Variants in KCTD1 observed in about 807,000 individuals in gnomAD.
KCTD1 encodes potassium channel tetramerization domain containing 1, also known as BTB/POZ domain-containing protein KCTD1.
A neutral mutation model predicts 66.0 loss-of-function variants in KCTD1; 24 were observed. The ratio of observed to expected loss-of-function variants is 0.36; its 90% CI spans 0.26 to 0.51. The LOEUF is 0.51. Among genes scored for constraint, KCTD1 ranks in the 20% least tolerant of loss-of-function variants. KCTD1 has a pLI of 0.95. For missense variants in KCTD1, 943 were observed against 1,205.2 expected, an observed-to-expected ratio of 0.78 and a Z score of 3.22; for synonymous variants, 511 against 517.2, an observed-to-expected ratio of 0.99 and a Z score of 0.16.
At chr18:26,500,273 A>T (rs1982689892) in intron 2 of KCTD1, among the ~76,000 whole-genome samples, 1 of 151,524 alleles carries the variant, frequency 6.6e-6, no homozygotes, top group Admixed American at 6.6e-5. Context: ...AAAAAAAAAA[A>T]GCTGGGCATG....
chr18:26,599,849 A>G (rs2144967252), intron 1 of KCTD1: 2 of 1,557,458 alleles, frequency 1.3e-6, no homozygotes, highest in East Asian at 2.2e-5. Flanking sequence ...CACCTTGGTC[A>G]TGAAAGTGAC....
At chr18:26,597,376 A>G (rs1489943786) in intron 1 of KCTD1, among the ~76,000 whole-genome samples, 1 of 152,152 alleles carries the variant, frequency 6.6e-6, no homozygotes, top group Non-Finnish European at 1.5e-5. Flanking sequence ...GAGGGGCAGC[A>G]GTGGTAATAT....
intron 1 of KCTD1, among the ~76,000 whole-genome samples, chr18:26,653,764 T>A (rs1420241630): frequency 6.6e-6 from 1 of 152,244 alleles, no homozygotes; most frequent in Non-Finnish European, 1.5e-5. Flanking sequence ...ATTATTTACA[T>A]CTAGCATGTT....
chr18:26,619,209 T>C (rs955655360), intron 1 of KCTD1, among the ~76,000 whole-genome samples: 1 of 152,234 alleles, frequency 6.6e-6, no homozygotes, highest in African/African-American at 2.4e-5. Context: ...ATACAGGAGC[T>C]ATAGTAGATG....
rs141143901 is a variant in KCTD1, at chr18:26,488,572, C to T, written c.1989-11913G>A. 6.0e-3 allele frequency among the ~76,000 whole-genome samples: 907 copies of T among 152,180 alleles called. 9 individuals are homozygous for T. The highest frequency in any genetic ancestry group is 0.021 in the African/African-American group (860 of 41,504). On this transcript the variant is annotated intron_variant, in intron 2 of 4. Transcript: ENST00000580059. ...GGGAGTTCAGGAACACACTCAGCTCCGATCACAGAAACAAGTTTGGGCGAG... is the reference window on the plus strand; with the variant it reads ...GGGAGTTCAGGAACACACTCAGCTCTGATCACAGAAACAAGTTTGGGCGAG...
Position 26,455,798 on chromosome 18 carries a change from C to T in KCTD1, c.2543G>A (p.Arg848Lys). ...FSEYVLRREL[R>K]RTPRVPSVIR... ...GACGGAGGGTACACGGGGCGTCCGC[C>T]TCAGTTCCCGCCGAAGGACGTATTC... The change falls in exon 5 of 5, where the codon AGG (arginine) becomes AAG (lysine). Residue 848 changes from arginine to lysine, a missense_variant. Arg to Lys is a conservative substitution (Grantham distance 26). This residue lies in a region of KCTD1 where 162 missense variants were observed against 232.4 expected (regional missense o/e 0.70). Transcript: ENST00000580059. The T allele has an allele frequency of 3.7e-6, 6 of 1,614,192 alleles. No individual in the cohort carries two copies. Among genetic ancestry groups the T allele is most frequent in the Non-Finnish European group, 5.1e-6 (6 of 1,180,040 alleles).
chr18:26,484,538 C>A (rs991606476), intron 2 of KCTD1, among the ~76,000 whole-genome samples: 2 of 152,166 alleles, frequency 1.3e-5, no homozygotes, highest in South Asian at 4.2e-4. Flanking sequence ...TATTAATCCT[C>A]CCCTGACTTC....
chr18:26,584,112 C>G (rs1251124781), intron 1 of KCTD1, among the ~76,000 whole-genome samples: 1 of 152,072 alleles, frequency 6.6e-6, no homozygotes, highest in African/African-American at 2.4e-5. Context: ...TATGAAAGAC[C>G]AGGGTTCTGA....
At chr18:26,550,643 C>T (rs1303660203), upstream of KCTD1, among the ~76,000 whole-genome samples, 1 of 151,950 alleles carries the variant, frequency 6.6e-6, no homozygotes. This position sits in a 1 kb window ranked among gnomAD's most constrained non-coding sequence, Gnocchi z 5.4. Context: ...GGAGAACCGT[C>T]CGGGAATCGT....
chr18:26,533,276 C>G (rs1007318864), intron 1 of KCTD1, among the ~76,000 whole-genome samples: 6 of 152,178 alleles, frequency 3.9e-5, no homozygotes, highest in African/African-American at 1.4e-4. Flanking sequence ...GACTTTATTT[C>G]TAAACAAGCT....
intron 1 of KCTD1, among the ~76,000 whole-genome samples, chr18:26,584,291 C>A (rs1986423358): frequency 6.6e-6 from 1 of 152,074 alleles, no homozygotes; most frequent in Admixed American, 6.5e-5. Context: ...AAAATACAGA[C>A]TGGATTTTGA....
intron 2 of KCTD1, among the ~76,000 whole-genome samples, chr18:26,497,073 T>G (rs1431406201): frequency 6.6e-6 from 1 of 152,180 alleles, no homozygotes; most frequent in Non-Finnish European, 1.5e-5. Context: ...GGGGACAAAG[T>G]TCTAAGGGTG....
At chr18:26,524,611 C>T (rs1598916985) in intron 1 of KCTD1, among the ~76,000 whole-genome samples, 2 of 152,082 alleles carry the variant, frequency 1.3e-5, no homozygotes, top group Admixed American at 6.5e-5. Context: ...AGCTGCCATA[C>T]ACCCAAACAT....
intron 1 of KCTD1, among the ~76,000 whole-genome samples, chr18:26,610,690 G>C (rs191692807): frequency 1.4e-3 from 211 of 148,844 alleles, no homozygotes; most frequent in African/African-American, 4.6e-3. Context: ...AGAAAAGAGA[G>C]AAAGAGAAAG....
At chr18:26,621,515 G>C (rs1987383499) in intron 1 of KCTD1, among the ~76,000 whole-genome samples, 1 of 152,014 alleles carries the variant, frequency 6.6e-6, no homozygotes, top group Non-Finnish European at 1.5e-5. Flanking sequence ...GAGACAAGCA[G>C]GGGCGACACT....
upstream of KCTD1, among the ~76,000 whole-genome samples, chr18:26,633,796 A>G (rs959674683): frequency 6.6e-6 from 1 of 152,230 alleles, no homozygotes; most frequent in African/African-American, 2.4e-5. Context: ...TTAAAGTACT[A>G]ATGAGACATC....
At chr18:26,514,101 C>G (rs879577092) in intron 1 of KCTD1, among the ~76,000 whole-genome samples, 12 of 152,146 alleles carry the variant, frequency 7.9e-5, no homozygotes, top group Non-Finnish European at 1.8e-4. Context: ...GAATATTAGT[C>G]TGAAAGCAGC....
intron 2 of KCTD1, among the ~76,000 whole-genome samples, chr18:26,479,618 C>T (rs982006355): frequency 6.6e-6 from 1 of 152,200 alleles, no homozygotes; most frequent in African/African-American, 2.4e-5. Flanking sequence ...GAGGTGAAAG[C>T]CTCTCAGAGA....
At chr18:26,642,142 C>A (rs186422840), upstream of KCTD1, among the ~76,000 whole-genome samples, 211 of 152,194 alleles carry the variant, frequency 1.4e-3, no homozygotes, top group African/African-American at 5.0e-3. Flanking sequence ...TTTTGGCTTT[C>A]TTTGTGGGGA....
Sources: gnomAD v4.1 joint callset for allele counts (sites outside exome capture counted in the v4.1 genomes callset) on GRCh38, gnomAD v4.1.1 for gene constraint, gnomAD v4.1.1 regional missense constraint, Gnocchi (gnomAD v3.1) non-coding constraint, MANE v1.5 for transcripts, NCBI Gene and HGNC (gene_info 2026-07-23, HGNC 2026-07-21) for gene names.